RELN: variants seen among roughly 807,000 people sequenced by gnomAD.
RELN encodes the protein reelin.
RELN carries 108 observed loss-of-function variants against 427.6 expected under a neutral mutation model. The observed-to-expected ratio is 0.25, with a 90% confidence interval of 0.22 to 0.30. RELN has a LOEUF of 0.30. Among genes scored for constraint, RELN ranks in the 10% least tolerant of loss-of-function variants. The probability of loss-of-function intolerance (pLI) is 1.00; values close to 1 mark genes in which losing one functional copy is unlikely to be tolerated. For synonymous variants in RELN, 1,524 were observed against 1,513.4 expected, an observed-to-expected ratio of 1.01 and a Z score of -0.16; for missense variants, 3,715 against 4,302.8, an observed-to-expected ratio of 0.86 and a Z score of 3.82.
intron 6 of RELN, among the ~76,000 whole-genome samples, chr7:103,735,288 T>C (rs558207742): frequency 8.5e-4 from 130 of 152,266 alleles, no homozygotes; most frequent in African/African-American, 3.0e-3. Flanking sequence ...TTTTTTTTCA[T>C]GGGACAAAGT....
intron 57 of RELN, among the ~76,000 whole-genome samples, chr7:103,493,684 A>T (rs1038361698): frequency 2.0e-5 from 3 of 152,184 alleles, no homozygotes; most frequent in Admixed American, 1.3e-4. Flanking sequence ...CCATAAGAAG[A>T]TAACAGATAT....
rs55656324 is a variant in RELN at position 103,989,356 on chromosome 7, TGCCGCCGCCGCCGCC to T, written c.-15_-1del. 2.5e-5 allele frequency: 35 copies of T among 1,408,220 alleles called. 1 individual carries two copies. The highest frequency in any genetic ancestry group is 2.3e-4 in the Middle Eastern group (1 of 4,438). The allele number at this position is 1,408,220 out of a possible 1,614,324, so 87.2% of individuals were successfully genotyped here. ...TGCCGGGCCCAGCCACTGCGCTCCA[TGCCGCCGCCGCCGCC>T]GCCGCCGCCGCGCGCCCTACGCGCC... On this transcript the variant is annotated 5_prime_UTR_variant, in exon 1 of 65. Coordinates refer to ENST00000428762, the MANE Select transcript of RELN (RefSeq NM_005045.4). The surrounding 1 kb of genome is among the most constrained non-coding windows in gnomAD (Gnocchi z 4.9).
At chr7:103,487,458 T>TGA (rs1554361592) in intron 60 of RELN, among the ~76,000 whole-genome samples, 1 of 128,104 alleles carries the variant, frequency 7.8e-6, no homozygotes, top group Non-Finnish European at 1.7e-5. Flanking sequence ...GTTGTTACAG[T>TGA]AAAAAAAAAA....
intron 1 of RELN, among the ~76,000 whole-genome samples, chr7:103,934,988 C>T (rs1795949183): frequency 6.6e-6 from 1 of 152,190 alleles, no homozygotes; most frequent in Non-Finnish European, 1.5e-5. Flanking sequence ...AAGCCAAAGA[C>T]ATCTCCAATC....
intron 28 of RELN, among the ~76,000 whole-genome samples, chr7:103,577,082 G>T (rs1188218080): frequency 1.3e-5 from 2 of 152,044 alleles, no homozygotes; most frequent in Non-Finnish European, 2.9e-5. Context: ...AATTTATTTT[G>T]CTGCCAATAT....
At chr7:103,531,870 T>G (rs560401269) in intron 46 of RELN, among the ~76,000 whole-genome samples, 1 of 152,284 alleles carries the variant, frequency 6.6e-6, no homozygotes, top group South Asian at 2.1e-4. Context: ...AGTTCAACCA[T>G]TGTGGAAGAC....
In RELN at chr7:103,472,238, A is replaced by C; in HGVS notation, c.*574T>G. 1 of 159,796 alleles carries C rather than the reference A, an allele frequency of 6.3e-6. No individual in the cohort carries two copies. Among genetic ancestry groups the C allele is most frequent in the Admixed American group, 5.9e-5 (1 of 16,814 alleles). 9.9% of individuals were successfully genotyped at this position (159,796 alleles called of 1,614,324 possible). A position where few individuals can be genotyped will look rare whatever the true frequency, so the allele number is the denominator to read the frequency against. ...TTAAAGGAGATACAATATCTTTACA[A>C]CTATCTTCTTGAATAGGTATTTCAA... On this transcript the variant is annotated 3_prime_UTR_variant, in exon 65 of 65. Transcript: ENST00000428762.
At position 103,905,016 on chromosome 7, in the gene RELN, T is replaced by C. The variant is rs182353744; in HGVS notation, c.337+12059A>G. Among the ~76,000 whole-genome samples the C allele has an allele frequency of 7.3e-3, 1,054 of 143,910 alleles. 10 individuals carry two copies. Among genetic ancestry groups the C allele is most frequent in the Non-Finnish European group, 0.011 (752 of 66,766 alleles). The allele number at this position is 143,910 out of a possible 152,430, so 94.4% of individuals were successfully genotyped here. A position where few individuals can be genotyped will look rare whatever the true frequency, so the allele number is the denominator to read the frequency against. On this transcript the variant is annotated intron_variant, in intron 2 of 64. Transcript: ENST00000428762. ...TTTTTTTTTTGAGATAATCTCGCTT[T>C]GTCGCCCAGGCTGAAGTGCAGTGGT... is the stretch of plus-strand genomic sequence containing the variant.
chr7:103,604,504 A>G (rs202137997), intron 22 of RELN, 21 bp from the exon 23 acceptor site: 1 of 1,613,636 alleles, frequency 6.2e-7, no homozygotes, highest in East Asian at 2.2e-5. Context: ...GGTATAGTAT[A>G]ACAAAAACGG....
In RELN at chr7:103,640,031, T is replaced by C. The variant is rs1832665829; in HGVS notation, c.2069+512A>G. Among the ~76,000 whole-genome samples, 1 of 152,182 alleles carries C rather than the reference T, an allele frequency of 6.6e-6. No homozygotes were observed. The highest frequency in any genetic ancestry group is 2.4e-5 in the African/African-American group (1 of 41,450). On this transcript the variant is annotated intron_variant, in intron 17 of 64. Coordinates refer to ENST00000428762, the MANE Select transcript of RELN (RefSeq NM_005045.4). This position sits in a 1 kb window ranked among gnomAD's most constrained non-coding sequence, Gnocchi z 4.1. ...TATTCAACAGCATTGTTTTGTAAAATACTTTATAATTTATTAAAGACTCAA... is the reference window on the plus strand; with the variant it reads ...TATTCAACAGCATTGTTTTGTAAAACACTTTATAATTTATTAAAGACTCAA...
At chr7:103,674,597 C>T (rs1584396910) in intron 11 of RELN, among the ~76,000 whole-genome samples, 1 of 152,218 alleles carries the variant, frequency 6.6e-6, no homozygotes, top group Non-Finnish European at 1.5e-5. Flanking sequence ...ATTCATTGCT[C>T]GTTCCTGGGG....
chr7:103,827,127 T>C (rs1167409756), intron 3 of RELN, among the ~76,000 whole-genome samples: 3 of 151,808 alleles, frequency 2.0e-5, no homozygotes, highest in African/African-American at 7.3e-5. Context: ...TGCTGCGGCA[T>C]AAAATTCCAT....
intron 3 of RELN, among the ~76,000 whole-genome samples, chr7:103,808,204 A>G (rs535866596): frequency 6.7e-6 from 1 of 149,472 alleles, no homozygotes; most frequent in Admixed American, 6.7e-5. Flanking sequence ...ACCATCAAAA[A>G]CCTTTCTATG....
chr7:103,974,365 A>T (rs1455371403), intron 1 of RELN, among the ~76,000 whole-genome samples: 3 of 152,234 alleles, frequency 2.0e-5, no homozygotes, highest in Non-Finnish European at 4.4e-5. Context: ...GAACTCAGCC[A>T]GTCCATTTCC....
At chr7:103,841,394 C>T (rs1793548505) in intron 2 of RELN, among the ~76,000 whole-genome samples, 1 of 152,226 alleles carries the variant, frequency 6.6e-6, no homozygotes, top group South Asian at 2.1e-4. Context: ...TATTTGTCTT[C>T]TTTGTCAAAG....
intron 46 of RELN, among the ~76,000 whole-genome samples, chr7:103,533,314 A>G (rs1430572207): frequency 6.6e-6 from 1 of 152,250 alleles, no homozygotes; most frequent in Non-Finnish European, 1.5e-5. Flanking sequence ...CTTAATAAAC[A>G]TTGACATTTC....
chr7:103,900,792 C>A (rs1795066805), intron 2 of RELN, among the ~76,000 whole-genome samples: 1 of 151,952 alleles, frequency 6.6e-6, no homozygotes, highest in African/African-American at 2.4e-5. Context: ...TAGCTATATG[C>A]AGAAAACTGA....
chr7:103,644,012 A>G (rs569004212), intron 16 of RELN, among the ~76,000 whole-genome samples: 1 of 152,074 alleles, frequency 6.6e-6, no homozygotes, highest in South Asian at 2.1e-4. Context: ...GATATCTATA[A>G]CCAATGAACT....
At chr7:103,762,036 ATTC>A (rs1055260826) in intron 4 of RELN, among the ~76,000 whole-genome samples, 1 of 151,992 alleles carries the variant, frequency 6.6e-6, no homozygotes, top group Non-Finnish European at 1.5e-5. Flanking sequence ...TCCAATGTCT[ATTC>A]TTCTTTTCTT....
Sources: allele counts gnomAD v4.1 joint callset (sites outside exome capture counted in the v4.1 genomes callset), GRCh38; gene constraint gnomAD v4.1.1; non-coding constraint Gnocchi (gnomAD v3.1); transcripts MANE v1.5; gene names NCBI Gene and HGNC (gene_info 2026-07-23, HGNC 2026-07-21).